Variants in MON2 observed in about 807,000 individuals in gnomAD.
The protein encoded by MON2 is MON2 regulator of endosome-to-Golgi trafficking, also known as protein MON2 homolog.
A neutral mutation model predicts 208.6 loss-of-function variants in MON2; 84 were observed. The ratio of observed to expected loss-of-function variants is 0.40; its 90% CI spans 0.34 to 0.48. The LOEUF (loss-of-function observed/expected upper bound fraction) is 0.48, where lower values mean the gene tolerates loss of function less well. Among genes scored for constraint, MON2 ranks in the 20% least tolerant of loss-of-function variants. The pLI is 0.59. For missense variants in MON2, 1,611 were observed against 2,015.4 expected (o/e 0.80, Z 3.84); for synonymous variants, 660 against 694.0 (o/e 0.95, Z 0.77).
chr12:62,543,028 G>A, intron 19 of MON2, 69 bp from the exon 20 acceptor site: 1 of 828,680 alleles, frequency 1.2e-6, no homozygotes, highest in Non-Finnish European at 1.9e-6. Context: ...AGTATTCTCA[G>A]TTTTATTCAT....
intron 25 of MON2, chr12:62,560,007 A>G (rs1388774347): frequency 6.5e-6 from 1 of 152,684 alleles, no homozygotes; most frequent in East Asian, 1.9e-4. Context: ...TGTTACTGAA[A>G]TGCTTTTGTT....
chr12:62,503,445 T>C (rs2070942158), intron 7 of MON2, among the ~76,000 whole-genome samples: 1 of 152,234 alleles, frequency 6.6e-6, no homozygotes, highest in Non-Finnish European at 1.5e-5. Context: ...TGTGTTGGCT[T>C]CCTAACTGGT....
rs913121768 is a variant in MON2, at chr12:62,585,359, T to C, written c.4765T>C (p.Phe1589Leu). The C allele has an allele frequency of 6.2e-7, 1 of 1,613,732 alleles. No homozygotes were observed. Among genetic ancestry groups the C allele is most frequent in the Non-Finnish European group, 8.5e-7 (1 of 1,179,802 alleles). ...SKMCFETLLQ[F>L]SFSNKVTTPQ... The stretch of plus-strand genomic sequence containing the variant: ...AATGTGTTTTGAAACATTACTCCAG[T>C]TTTCCTTCAGTAATAAAGTCACAAC... The change falls in exon 33 of 35, where the codon TTT becomes CTT. Residue 1589 changes from phenylalanine (F) to leucine (L), a missense_variant. Transcript: ENST00000393630.
chr12:62,480,174 T>G (rs1342391034), intron 1 of MON2, among the ~76,000 whole-genome samples: 3 of 152,204 alleles, frequency 2.0e-5, no homozygotes, highest in African/African-American at 7.2e-5. Context: ...TAATTATATC[T>G]AAGGCAACAA....
intron 22 of MON2, among the ~76,000 whole-genome samples, chr12:62,548,793 A>G (rs2073612685): frequency 6.6e-6 from 1 of 152,088 alleles, no homozygotes; most frequent in South Asian, 2.1e-4. Flanking sequence ...TTTCATTACT[A>G]TTTTTTACCA....
intron 11 of MON2, among the ~76,000 whole-genome samples, chr12:62,531,991 G>C (rs574012251): frequency 6.6e-6 from 1 of 152,024 alleles, no homozygotes; most frequent in Non-Finnish European, 1.5e-5. Context: ...GGATGATCTT[G>C]ATCTCCTGAC....
Position 62,535,613 on chromosome 12 carries a change from G to A in MON2, c.1804G>A (p.Asp602Asn). The change falls in exon 14 of 35, where the codon GAT becomes AAT. Residue 602 changes from aspartate (D) to asparagine (N), a missense_variant. Physicochemically the swap from Asp to Asn is conservative, Grantham distance 23 (BLOSUM62 1). Coordinates refer to ENST00000393630, the MANE Select transcript of MON2 (RefSeq NM_015026.3). ...CGRLGLVTSRDAFITAICKGS... is the reference protein window; with the variant it reads ...CGRLGLVTSRNAFITAICKGS... ...AAGACTGGGCCTTGTAACTTCAAGA[G>A]ATGCCTTTATAACTGCAATATGCAA... 6 of 1,613,770 alleles carry A rather than the reference G, an allele frequency of 3.7e-6. No homozygotes were observed. The highest frequency in any genetic ancestry group is 5.1e-6 in the Non-Finnish European group (6 of 1,179,788).
intron 20 of MON2, among the ~76,000 whole-genome samples, chr12:62,543,609 C>T (rs12370246): frequency 0.63 from 95,044 of 150,534 alleles, 30,203 homozygotes; most frequent in African/African-American, 0.68. Flanking sequence ...TTTTTTTTTT[C>T]TCTCTCTCTC....
At chr12:62,538,759 A>G (rs1216931013) in intron 19 of MON2, among the ~76,000 whole-genome samples, 1 of 152,036 alleles carries the variant, frequency 6.6e-6, no homozygotes, top group South Asian at 2.1e-4. Flanking sequence ...TTTTAAAAAT[A>G]TTTTTATAAA....
At position 62,585,277 on chromosome 12, in the gene MON2, AT is replaced by A; in HGVS notation, c.4700-14del. The A allele has an allele frequency of 1.3e-6, 2 of 1,581,286 alleles. No individual in the cohort carries two copies. The highest frequency in any genetic ancestry group is 4.5e-5 in the East Asian group (2 of 44,654). On this transcript the variant is annotated splice_polypyrimidine_tract_variant and intron_variant, in intron 32 of 34. Coordinates refer to ENST00000393630, the MANE Select transcript of MON2 (RefSeq NM_015026.3). ...GATTTAACTTCTATTAACCATCAAA[AT>A]TTGTTAATTTTACAGAAGCAGAGAT... is the stretch of plus-strand genomic sequence containing the variant.
intron 32 of MON2, among the ~76,000 whole-genome samples, chr12:62,583,092 G>A (rs1443108639): frequency 6.6e-6 from 1 of 152,188 alleles, no homozygotes; most frequent in African/African-American, 2.4e-5. Flanking sequence ...CAGCATTTGG[G>A]AGGCCGAGGC....
chr12:62,490,994 T>C (rs978921691), intron 2 of MON2, among the ~76,000 whole-genome samples: 1 of 152,150 alleles, frequency 6.6e-6, no homozygotes, highest in African/African-American at 2.4e-5. Flanking sequence ...CATCTTGCAG[T>C]TGATGGCATC....
intron 32 of MON2, among the ~76,000 whole-genome samples, 169 bp from the exon 33 acceptor site, chr12:62,585,122 AAAC>A (rs768362655): frequency 0.14 from 18,781 of 136,638 alleles, 2,001 homozygotes; most frequent in Middle Eastern, 0.15. Context: ...AAACAAAAAA[AAAC>A]AAAAAAAAAA....
At position 62,565,391 on chromosome 12, in the gene MON2, G is replaced by C; in HGVS notation, c.4176+11G>C. The C allele has an allele frequency of 1.3e-6, 2 of 1,585,256 alleles. No individual in the cohort carries two copies. Among genetic ancestry groups the C allele is most frequent in the African/African-American group, 2.7e-5 (2 of 73,532 alleles). On this transcript the variant is annotated intron_variant, in intron 27 of 34. Transcript: ENST00000393630. ...GCAAAATATAATCAGGTAATTTACT[G>C]TAAATTTTATTTACTTTGTAAGATT...
chr12:62,526,052 C>G lies in MON2; in HGVS notation c.1350C>G (p.Thr450=). 2.5e-6 allele frequency: 4 copies of G among 1,613,792 alleles called. No individual in the cohort carries two copies. The highest frequency in any genetic ancestry group is 2.5e-6 in the Non-Finnish European group (3 of 1,179,824). ...TACCAGCATTTGAATATAGGGGAAC[C>G]TGGATACCTATTCTGACAATCACAG... The part of the protein sequence containing the change: ...TLLPAFEYRG[T]WIPILTITVQ... The change falls in exon 11 of 35, where the codon ACC becomes ACG. Residue 450 remains threonine, a synonymous_variant. Coordinates refer to ENST00000393630, the MANE Select transcript of MON2 (RefSeq NM_015026.3).
chr12:62,542,114 T>C (rs2073268176), intron 19 of MON2, among the ~76,000 whole-genome samples: 1 of 152,140 alleles, frequency 6.6e-6, no homozygotes, highest in African/African-American at 2.4e-5. Flanking sequence ...CTCCCTAGAA[T>C]CATGAATTTT....
intron 7 of MON2, among the ~76,000 whole-genome samples, chr12:62,506,254 C>T (rs957031568): frequency 3.3e-5 from 5 of 152,072 alleles, no homozygotes; most frequent in African/African-American, 1.2e-4. Context: ...TCACTTATCT[C>T]TTAAGATCTC....
At chr12:62,568,767 C>G (rs2074477943) in intron 29 of MON2, among the ~76,000 whole-genome samples, 1 of 152,168 alleles carries the variant, frequency 6.6e-6, no homozygotes, top group Non-Finnish European at 1.5e-5. Flanking sequence ...GTTCTCCTGC[C>G]TCAGCCCCCT....
At chr12:62,525,853 A>AT (rs1171423448) in intron 10 of MON2, 96 bp from the exon 11 acceptor site, 26 of 1,158,906 alleles carry the variant, frequency 2.2e-5, no homozygotes, top group Non-Finnish European at 2.8e-5. Flanking sequence ...TAGCACAGAA[A>AT]TTTTTTTTAA....
Sources: gnomAD v4.1 joint callset for allele counts (sites outside exome capture counted in the v4.1 genomes callset) on GRCh38, gnomAD v4.1.1 for gene constraint, MANE v1.5 for transcripts, NCBI Gene and HGNC (gene_info 2026-07-23, HGNC 2026-07-21) for gene names.